The following ANKIB1 variants were observed in gnomAD, a reference collection of about 807,000 sequenced individuals.
ANKIB1 encodes ankyrin repeat and IBR domain containing 1, also known as ankyrin repeat and IBR domain-containing protein 1.
Under a neutral mutation model 122.1 loss-of-function variants are expected in ANKIB1, and 43 were observed. The observed-to-expected ratio is 0.35, with a 90% CI of 0.28 to 0.45. ANKIB1 has a LOEUF of 0.45. ANKIB1 is among the 20% of genes least tolerant of loss of function. ANKIB1 has a pLI of 1.00. For missense variants in ANKIB1, 992 were observed against 1,329.5 expected (o/e 0.75, Z 3.95); for synonymous variants, 390 against 442.0 (o/e 0.88, Z 1.48).
At chr7:92,317,708 G>A (rs1802821641) in intron 3 of ANKIB1, among the ~76,000 whole-genome samples, 1 of 152,160 alleles carries the variant, frequency 6.6e-6, no homozygotes, top group South Asian at 2.1e-4. Flanking sequence ...ATATAAGCCC[G>A]TTGTTTTGTA....
intron 1 of ANKIB1, among the ~76,000 whole-genome samples, chr7:92,260,059 G>A (rs1801528640): frequency 6.6e-6 from 1 of 151,974 alleles, no homozygotes; most frequent in Non-Finnish European, 1.5e-5. Flanking sequence ...AGACAGCTAG[G>A]CTAGTCCTGT....
chr7:92,302,230 G>A (rs185329001), intron 2 of ANKIB1, among the ~76,000 whole-genome samples: 9 of 152,170 alleles, frequency 5.9e-5, no homozygotes, highest in African/African-American at 2.2e-4. Flanking sequence ...CACTGCATCC[G>A]GCCTAGATTC....
intron 1 of ANKIB1, among the ~76,000 whole-genome samples, chr7:92,272,564 C>CATT (rs1801819949): frequency 1.3e-5 from 2 of 151,958 alleles, no homozygotes; most frequent in African/African-American, 4.8e-5. Context: ...AATGAAAAGC[C>CATT]CTAGGATGAC....
At chr7:92,391,405 GT>G (rs1554350432) in intron 16 of ANKIB1, 61 bp downstream of exon 16, 2 of 1,366,698 alleles carry the variant, frequency 1.5e-6, no homozygotes, top group Non-Finnish European at 1.9e-6. Flanking sequence ...CAGCAGTTTT[GT>G]TTTTTATCCA....
Position 92,400,199 on chromosome 7 carries a change from T to C in ANKIB1, c.*1250T>C, listed in dbSNP as rs192561227. The C allele has an allele frequency of 1.3e-5, 2 of 152,350 alleles. No homozygotes were observed. The highest frequency in any genetic ancestry group is 2.1e-4 in the South Asian group (1 of 4,832). The allele number at this position is 152,350 out of a possible 1,614,324, so 9.4% of individuals were successfully genotyped here. ...TCAGTTTGTTTGCCTAACTAGCAAA[T>C]GCTGACATGTGTTTGTTCTACTGCG... is the stretch of plus-strand genomic sequence containing the variant. On this transcript the variant is annotated 3_prime_UTR_variant, in exon 20 of 20. Transcript: ENST00000265742.
chr7:92,375,173 C>CT (rs1376162412), intron 11 of ANKIB1, among the ~76,000 whole-genome samples: 3 of 152,196 alleles, frequency 2.0e-5, no homozygotes, highest in African/African-American at 7.2e-5. Context: ...GAGTCATAGT[C>CT]TATTTGCTGA....
At chr7:92,298,465 A>G (rs1311528537) in intron 2 of ANKIB1, among the ~76,000 whole-genome samples, 5 of 152,070 alleles carry the variant, frequency 3.3e-5, no homozygotes. Flanking sequence ...AACCCCTTAT[A>G]GTAGAGTTTA....
chr7:92,392,350 A>C, intron 17 of ANKIB1, 58 bp downstream of exon 17: 1 of 1,423,644 alleles, frequency 7.0e-7, no homozygotes, highest in Non-Finnish European at 9.8e-7. Context: ...TCGTGCTTGC[A>C]TTTGCATCCT....
At chr7:92,253,790 G>A (rs1801381035) in intron 1 of ANKIB1, among the ~76,000 whole-genome samples, 1 of 151,904 alleles carries the variant, frequency 6.6e-6, no homozygotes, top group Non-Finnish European at 1.5e-5. Flanking sequence ...ACCTGTACCT[G>A]CCTACCAGTG....
chr7:92,312,998 A>G (rs1802722360), intron 3 of ANKIB1, among the ~76,000 whole-genome samples: 2 of 152,264 alleles, frequency 1.3e-5, no homozygotes, highest in South Asian at 2.1e-4. Flanking sequence ...GTAGACTTCC[A>G]TAGAGCAACC....
chr7:92,328,552 C>T (rs902233960), intron 5 of ANKIB1, among the ~76,000 whole-genome samples: 4 of 152,062 alleles, frequency 2.6e-5, no homozygotes, highest in Non-Finnish European at 5.9e-5. Flanking sequence ...TGGATTGGAT[C>T]TTCTCATTGC....
chr7:92,360,535 G>A (rs1163398869), intron 9 of ANKIB1, among the ~76,000 whole-genome samples: 2 of 152,108 alleles, frequency 1.3e-5, no homozygotes, highest in African/African-American at 2.4e-5. Flanking sequence ...TAGCTGTTGT[G>A]AATAATACTG....
At position 92,246,281 on chromosome 7, in the gene ANKIB1, G is replaced by C. The variant is rs1585061761; in HGVS notation, c.-329G>C. On this transcript the variant is annotated 5_prime_UTR_variant, in exon 1 of 20. Transcript: ENST00000265742. ...GGGGCGCCCACCCAGTCTGAGCCTC[G>C]CCGCGGGCGCCTTCGGCTCACGCAG... is the stretch of plus-strand genomic sequence containing the variant. 9.9e-6 allele frequency: 4 copies of C among 404,040 alleles called. No homozygotes were observed. The highest frequency in any genetic ancestry group is 1.9e-5 in the Non-Finnish European group (4 of 207,592). 25.0% of individuals were successfully genotyped at this position (404,040 alleles called of 1,614,324 possible).
At chr7:92,360,589 C>T (rs1349073240) in intron 9 of ANKIB1, among the ~76,000 whole-genome samples, 1 of 152,146 alleles carries the variant, frequency 6.6e-6, no homozygotes, top group Non-Finnish European at 1.5e-5. Flanking sequence ...TCAGTTCTCT[C>T]ATACCTTAGA....
chr7:92,352,745 T>C (rs910809762), intron 9 of ANKIB1, 103 bp downstream of exon 9: 10 of 1,161,144 alleles, frequency 8.6e-6, no homozygotes, highest in Non-Finnish European at 1.1e-5. Flanking sequence ...GTATACTTGA[T>C]AGTATTCTTC....
At chr7:92,358,983 G>A (rs1340375008) in intron 9 of ANKIB1, among the ~76,000 whole-genome samples, 4 of 152,030 alleles carry the variant, frequency 2.6e-5, no homozygotes, top group Admixed American at 1.3e-4. Context: ...TAGCATGTGC[G>A]CCAAATTAAA....
At chr7:92,360,439 C>CGT (rs1418150951) in intron 9 of ANKIB1, among the ~76,000 whole-genome samples, 2 of 151,786 alleles carry the variant, frequency 1.3e-5, no homozygotes, top group African/African-American at 4.8e-5. Context: ...ATTGTGTGAA[C>CGT]GTGTGTGTGT....
At chr7:92,257,747 G>A (rs1209418881) in intron 1 of ANKIB1, among the ~76,000 whole-genome samples, 2 of 152,172 alleles carry the variant, frequency 1.3e-5, no homozygotes, top group Admixed American at 6.5e-5. Context: ...AGCAGAGATC[G>A]CGCCATTGTG....
chr7:92,286,313 A>C (rs776889071), intron 1 of ANKIB1, among the ~76,000 whole-genome samples: 3 of 152,046 alleles, frequency 2.0e-5, no homozygotes, highest in Non-Finnish European at 4.4e-5. Context: ...TGTCATTTAC[A>C]TGTGGCCCAG....
Sources: allele counts gnomAD v4.1 joint callset (sites outside exome capture counted in the v4.1 genomes callset), GRCh38; gene constraint gnomAD v4.1.1; transcripts MANE v1.5; gene names NCBI Gene and HGNC (gene_info 2026-07-23, HGNC 2026-07-21).